SYNE3: variants seen among roughly 807,000 people sequenced by gnomAD.
SYNE3 encodes nesprin-3.
A neutral mutation model predicts 111.2 loss-of-function variants in SYNE3; 100 were observed. That is an observed-to-expected ratio of 0.90 (90% CI 0.77 to 1.06). The LOEUF is 1.06. Among genes scored for constraint, SYNE3 ranks in the 50% least tolerant of loss-of-function variants. The pLI, the probability that SYNE3 is intolerant of heterozygous loss-of-function variation, is 0.00. For synonymous variants in SYNE3, 547 were observed against 533.9 expected, an observed-to-expected ratio of 1.02 and a Z score of -0.34; for missense variants, 1,160 against 1,240.3, an observed-to-expected ratio of 0.94 and a Z score of 0.97.
intron 1 of SYNE3, among the ~76,000 whole-genome samples, chr14:95,506,907 C>T (rs1890548036): frequency 6.6e-6 from 1 of 152,170 alleles, no homozygotes; most frequent in African/African-American, 2.4e-5. Flanking sequence ...ACCTGAGGTC[C>T]AGGAGCACAG....
At chr14:95,445,628 C>G (rs1366424966) in intron 9 of SYNE3, among the ~76,000 whole-genome samples, 1 of 152,242 alleles carries the variant, frequency 6.6e-6, no homozygotes, top group African/African-American at 2.4e-5. Flanking sequence ...TCACTCTCTG[C>G]AGAAGACTGG....
At chr14:95,488,285 A>AT (rs951851344) in intron 1 of SYNE3, among the ~76,000 whole-genome samples, 1 of 151,902 alleles carries the variant, frequency 6.6e-6, no homozygotes, top group Non-Finnish European at 1.5e-5. Flanking sequence ...GAGGGGTCTG[A>AT]TTTTTTCACT....
intron 1 of SYNE3, among the ~76,000 whole-genome samples, chr14:95,488,081 A>G (rs1889638873): frequency 6.6e-6 from 1 of 152,256 alleles, no homozygotes; most frequent in Non-Finnish European, 1.5e-5. Flanking sequence ...GTAAGAATAT[A>G]GTATGTAATA....
chr14:95,498,294 G>A (rs1023139348), intron 1 of SYNE3, among the ~76,000 whole-genome samples: 3 of 152,250 alleles, frequency 2.0e-5, no homozygotes, highest in South Asian at 2.1e-4. Context: ...GGGTTCAAGC[G>A]ATTCTCCTGC....
rs113292684 is a variant in SYNE3, at chr14:95,423,562, T to G, written c.2728-5536A>C. On this transcript the variant is annotated intron_variant, in intron 17 of 17. Transcript: ENST00000682763. ...TGGGGATTTGATGGGCATGGGGATTTGATGGGGATGAGGATTTGGTAGGCA... is the reference window on the plus strand; with the variant it reads ...TGGGGATTTGATGGGCATGGGGATTGGATGGGGATGAGGATTTGGTAGGCA... Among the ~76,000 whole-genome samples, 6 of 28,602 alleles carry G rather than the reference T, an allele frequency of 2.1e-4. 1 individual carries two copies. The highest frequency in any genetic ancestry group is 1.1e-3 in the African/African-American group (6 of 5,410). 18.8% of individuals were successfully genotyped at this position (28,602 alleles called of 152,430 possible).
chr14:95,485,497 G>GACAGGAC lies in SYNE3; in HGVS notation c.-14-9669_-14-9663dup, dbSNP rs1412438307. On this transcript the variant is annotated intron_variant, in intron 1 of 17. Coordinates refer to ENST00000682763, the MANE Select transcript of SYNE3 (RefSeq NM_152592.6). This position sits in a 1 kb window ranked among gnomAD's most constrained non-coding sequence, Gnocchi z 4.3. ...GAGAGTCGGCTGCTCCCCGACCAAAGACAGGACGCCCTAACCTACAGGTGC... is the reference window on the plus strand; with the variant it reads ...GAGAGTCGGCTGCTCCCCGACCAAAGACAGGACACAGGACGCCCTAACCTACAGGTGC... Among the ~76,000 whole-genome samples, 5 of 152,090 alleles carry GACAGGAC rather than the reference G, an allele frequency of 3.3e-5. No individual in the cohort carries two copies. Among genetic ancestry groups the GACAGGAC allele is most frequent in the African/African-American group, 1.2e-4 (5 of 41,392 alleles).
rs200649505 is a variant in SYNE3 at position 95,467,764 on chromosome 14, C to A, written c.317+31G>T. 1.1e-5 allele frequency: 18 copies of A among 1,612,602 alleles called. No individual in the cohort carries two copies. The South Asian group carries it at 1.8e-4, about 16-fold the overall frequency. ...CACAGTGGGCAAGGAGGGTAAATGGCAGCTGTGGACAAAGGCCCTGGATGC... is the reference window on the plus strand; with the variant it reads ...CACAGTGGGCAAGGAGGGTAAATGGAAGCTGTGGACAAAGGCCCTGGATGC... On this transcript the variant is annotated intron_variant, in intron 3 of 17. Transcript: ENST00000682763.
At chr14:95,434,108 A>T (rs1275386085) in intron 15 of SYNE3, among the ~76,000 whole-genome samples, 1 of 152,072 alleles carries the variant, frequency 6.6e-6, no homozygotes, top group Non-Finnish European at 1.5e-5. Context: ...GAGTAGCCAG[A>T]TATGAGACAG....
At position 95,433,897 on chromosome 14, in the gene SYNE3, C is replaced by T. The variant is rs542494411; in HGVS notation, c.2539-488G>A. On this transcript the variant is annotated intron_variant, in intron 15 of 17. Coordinates refer to ENST00000682763, the MANE Select transcript of SYNE3 (RefSeq NM_152592.6). Reference sequence around the variant, plus strand: ...GGCAGTAGGAGCGGGGCTATAAATCCGGGAGCCCAGTTTTAAATCCTGGCT... The same window carrying T: ...GGCAGTAGGAGCGGGGCTATAAATCTGGGAGCCCAGTTTTAAATCCTGGCT... 1.4e-4 allele frequency among the ~76,000 whole-genome samples: 22 copies of T among 152,204 alleles called. No individual in the cohort carries two copies. In the South Asian group the frequency reaches 3.3e-3, roughly 23 times the overall value.
At chr14:95,501,150 GT>G (rs1890320730) in intron 1 of SYNE3, among the ~76,000 whole-genome samples, 1 of 152,182 alleles carries the variant, frequency 6.6e-6, no homozygotes, top group Non-Finnish European at 1.5e-5. Flanking sequence ...TGTGGAGCTG[GT>G]GACTCCATCC....
chr14:95,455,841 T>C (rs765542856), intron 5 of SYNE3, 117 bp from the exon 6 acceptor site: 3 of 1,065,168 alleles, frequency 2.8e-6, no homozygotes, highest in Non-Finnish European at 4.1e-6. Context: ...AGTCCTGCGT[T>C]AGAGCCAGAG....
chr14:95,498,548 A>G (rs963604892), intron 1 of SYNE3, among the ~76,000 whole-genome samples: 3 of 152,220 alleles, frequency 2.0e-5, no homozygotes, highest in African/African-American at 7.2e-5. Context: ...TAGTTCCACT[A>G]GACTTTCAGA....
chr14:95,429,054 T>C (rs1343668253), intron 17 of SYNE3, among the ~76,000 whole-genome samples: 1 of 152,242 alleles, frequency 6.6e-6, no homozygotes, highest in Non-Finnish European at 1.5e-5. Flanking sequence ...CCTGTGGATG[T>C]GCATACGTGC....
chr14:95,470,795 T>G lies in SYNE3; in HGVS notation c.145-2828A>C, dbSNP rs1888482075. 6.6e-6 allele frequency among the ~76,000 whole-genome samples: 1 copy of G among 151,756 alleles called. No individual in the cohort carries two copies. The highest frequency in any genetic ancestry group is 1.5e-5 in the Non-Finnish European group (1 of 67,934). On this transcript the variant is annotated intron_variant, in intron 2 of 17. Coordinates refer to ENST00000682763, the MANE Select transcript of SYNE3 (RefSeq NM_152592.6). The surrounding 1 kb of genome is among the most constrained non-coding windows in gnomAD (Gnocchi z 4.2). ...CAACATGGTGAAACACCGTCTCTAC[T>G]GAAAATACAAAAATTAGCCGGGCAT...
rs779120100 is a variant in SYNE3, at chr14:95,417,939, G to A, written c.2815C>T (p.Leu939Phe). ...PLQLLLLLFL[L>F]LLFLLPIREE... ...CTGATTGGGAGCAGGAACAGCAGGA[G>A]GAGGAACAGCAGCAGAAGCAGCTGC... Residue 939 changes from leucine to phenylalanine, a missense_variant, in exon 18 of 18, where the codon CTC becomes TTC. Coordinates refer to ENST00000682763, the MANE Select transcript of SYNE3 (RefSeq NM_152592.6). 1.2e-5 allele frequency: 19 copies of A among 1,614,038 alleles called. No homozygotes were observed. The highest frequency in any genetic ancestry group is 1.5e-5 in the Non-Finnish European group (18 of 1,180,020).
chr14:95,516,117 C>G (rs179150), intron 1 of SYNE3: 1 of 152,224 alleles, frequency 6.6e-6, no homozygotes, highest in African/African-American at 2.4e-5. Context: ...CGGGGTTGGA[C>G]TTCCCCTCTT....
Position 95,439,752 on chromosome 14 carries a change from G to A in SYNE3, c.2106C>T (p.Ala702=), listed in dbSNP as rs972514249. The A allele has an allele frequency of 2.5e-6, 4 of 1,613,658 alleles. No individual in the cohort carries two copies. Among genetic ancestry groups the A allele is most frequent in the Non-Finnish European group, 3.4e-6 (4 of 1,179,728 alleles). ...CCTGCGCTTCCACCAGGGACAGCTG[G>A]GCCTCCTTCTCCGGGAATTCTGCCA... ...RLVAEFPEKE[A]QLSLVEAQGW... The change falls in exon 13 of 18, where the codon GCC becomes GCT. Residue 702 remains alanine (A), a synonymous_variant. Coordinates refer to ENST00000682763, the MANE Select transcript of SYNE3 (RefSeq NM_152592.6).
intron 2 of SYNE3, among the ~76,000 whole-genome samples, chr14:95,472,883 T>C (rs1396471661): frequency 6.6e-6 from 1 of 152,024 alleles, no homozygotes; most frequent in African/African-American, 2.4e-5. Context: ...CGGGAAGGCA[T>C]GGGACATCCT....
At position 95,467,850 on chromosome 14, in the gene SYNE3, T is replaced by C. The variant is rs1888285379; in HGVS notation, c.262A>G (p.Lys88Glu). ...TCCTCCCATTGGGCCTTGATGTCCT[T>C]CAGCCGGGCCAGGATCCCGGGCTTC... is the stretch of plus-strand genomic sequence containing the variant. ...DQKPGILARL[K>E]DIKAQWEETV... The change falls in exon 3 of 18, where the codon AAG becomes GAG. Residue 88 changes from lysine (K) to glutamate (E), a missense_variant. Coordinates refer to ENST00000682763, the MANE Select transcript of SYNE3 (RefSeq NM_152592.6). The C allele has an allele frequency of 1.9e-6, 3 of 1,614,198 alleles. No homozygotes were observed. The highest frequency in any genetic ancestry group is 2.5e-6 in the Non-Finnish European group (3 of 1,180,038).
Sources: allele counts gnomAD v4.1 joint callset (sites outside exome capture counted in the v4.1 genomes callset), GRCh38; gene constraint gnomAD v4.1.1; non-coding constraint Gnocchi (gnomAD v3.1); transcripts MANE v1.5; gene names NCBI Gene and HGNC (gene_info 2026-07-23, HGNC 2026-07-21).